LRMDA: variants seen among roughly 807,000 people sequenced by gnomAD.
LRMDA encodes leucine-rich melanocyte differentiation-associated protein.
LRMDA carries 18 observed loss-of-function variants against 29.8 expected under a neutral mutation model. That is an observed-to-expected ratio of 0.60 (90% CI 0.42 to 0.90). LRMDA has a LOEUF of 0.90. LRMDA is among the 40% of genes least tolerant of loss of function. LRMDA has a pLI of 0.00. For missense variants in LRMDA, 273 were observed against 273.9 expected, an observed-to-expected ratio of 1.00 and a Z score of 0.02; for synonymous variants, 125 against 109.4, an observed-to-expected ratio of 1.14 and a Z score of -0.89.
intron 2 of LRMDA, among the ~76,000 whole-genome samples, chr10:75,525,831 G>A (rs146761207): frequency 2.4e-3 from 363 of 151,022 alleles, no homozygotes; most frequent in South Asian, 6.2e-3. Flanking sequence ...AAAGCCTTTC[G>A]TAATATCCAC....
At chr10:75,716,646 T>C (rs1040863174) in intron 2 of LRMDA, among the ~76,000 whole-genome samples, 2 of 152,160 alleles carry the variant, frequency 1.3e-5, no homozygotes, top group African/African-American at 2.4e-5. Flanking sequence ...ATTCTGTGCA[T>C]AGGAAAGGAG....
intron 2 of LRMDA, among the ~76,000 whole-genome samples, chr10:75,857,893 A>G (rs191385406): frequency 1.8e-4 from 27 of 152,356 alleles, no homozygotes; most frequent in African/African-American, 6.5e-4. Context: ...GGGCACACAC[A>G]GTTCTGTTTT....
intron 2 of LRMDA, among the ~76,000 whole-genome samples, chr10:75,618,745 A>G (rs1264911038): frequency 6.7e-6 from 1 of 149,324 alleles, no homozygotes. Context: ...AAAGAAATTA[A>G]GGAAATCATA....
chr10:76,153,191 A>T (rs1319264951), intron 5 of LRMDA, among the ~76,000 whole-genome samples: 1 of 152,148 alleles, frequency 6.6e-6, no homozygotes, highest in African/African-American at 2.4e-5. Flanking sequence ...TTGAGTTACA[A>T]GAGTTCTTTA....
rs555410196 is a variant in LRMDA, at chr10:76,331,705, G to A, written c.601+7220G>A. Among the ~76,000 whole-genome samples, 6 of 151,896 alleles carry A rather than the reference G, an allele frequency of 4.0e-5. No individual in the cohort carries two copies. In the South Asian group the frequency reaches 6.2e-4, roughly 16 times the overall value. On this transcript the variant is annotated intron_variant, in intron 6 of 6. Transcript: ENST00000611255. ...TGGGGGAAGAGTGTGTTGGTTCCTC[G>A]TGCAGAACTATTATTAGCATTTGCT...
At chr10:76,520,506 G>A (rs138416091) in intron 6 of LRMDA, among the ~76,000 whole-genome samples, 1,791 of 152,110 alleles carry the variant, frequency 0.012, 23 homozygotes, top group Middle Eastern at 0.027. Flanking sequence ...ATAAAAACTT[G>A]TCCAATCTCT....
chr10:76,166,967 GT>G (rs1850752026), intron 5 of LRMDA, among the ~76,000 whole-genome samples: 1 of 151,802 alleles, frequency 6.6e-6, no homozygotes, highest in African/African-American at 2.4e-5. Flanking sequence ...CTTATTTTTT[GT>G]TTGTTCGTTT....
intron 2 of LRMDA, among the ~76,000 whole-genome samples, chr10:75,571,779 A>C (rs1014028883): frequency 3.9e-5 from 6 of 152,178 alleles, no homozygotes; most frequent in African/African-American, 1.4e-4. Flanking sequence ...GAGGTCTGAT[A>C]GCTGGCACAC....
intron 2 of LRMDA, among the ~76,000 whole-genome samples, chr10:75,900,780 C>T (rs1382095070): frequency 6.6e-6 from 1 of 152,126 alleles, no homozygotes; most frequent in Non-Finnish European, 1.5e-5. Flanking sequence ...ATGCCCACCC[C>T]CCCACCTTTC....
At chr10:76,195,151 G>T (rs1229741998) in intron 5 of LRMDA, among the ~76,000 whole-genome samples, 1 of 152,118 alleles carries the variant, frequency 6.6e-6, no homozygotes. Context: ...AAAAACAAAA[G>T]GTGCCCCCTA....
intron 6 of LRMDA, among the ~76,000 whole-genome samples, chr10:76,552,865 A>C (rs1273287730): frequency 6.6e-6 from 1 of 152,168 alleles, no homozygotes; most frequent in Admixed American, 6.5e-5. Context: ...GGCCTCCCCC[A>C]GCAAAATCTC....
At chr10:76,303,418 T>G (rs543014720) in intron 5 of LRMDA, among the ~76,000 whole-genome samples, 1 of 152,230 alleles carries the variant, frequency 6.6e-6, no homozygotes, top group South Asian at 2.1e-4. Context: ...TCTGAGTCTT[T>G]TGTTCCACTT....
chr10:75,970,894 C>G (rs938963607), intron 2 of LRMDA, among the ~76,000 whole-genome samples: 2 of 152,186 alleles, frequency 1.3e-5, no homozygotes, highest in South Asian at 4.1e-4. Flanking sequence ...GTTTAAAAAT[C>G]TTGAAAATAC....
intron 5 of LRMDA, among the ~76,000 whole-genome samples, chr10:76,261,521 C>T (rs891003502): frequency 6.6e-6 from 1 of 152,130 alleles, no homozygotes; most frequent in Admixed American, 6.5e-5. Context: ...ACAAAATGAA[C>T]AGTGAATTAA....
At chr10:76,074,551 C>G (rs188805588) in intron 5 of LRMDA, among the ~76,000 whole-genome samples, 13 of 152,264 alleles carry the variant, frequency 8.5e-5, no homozygotes, top group South Asian at 4.2e-4. Context: ...CTTCCACCCC[C>G]CTCCCAGTTA....
chr10:76,534,980 G>C (rs954115748), intron 6 of LRMDA, among the ~76,000 whole-genome samples: 2 of 152,146 alleles, frequency 1.3e-5, no homozygotes, highest in African/African-American at 4.8e-5. Context: ...TTGTCTGCTT[G>C]CTTTCCTTGC....
chr10:76,333,668 G>T (rs1840932219), intron 6 of LRMDA, among the ~76,000 whole-genome samples: 1 of 152,132 alleles, frequency 6.6e-6, no homozygotes, highest in African/African-American at 2.4e-5. Flanking sequence ...TCCTCCGCAT[G>T]TTATTCAGAA....
rs112949281 is a variant in LRMDA at position 75,596,229 on chromosome 10, G to A, written c.131+157735G>A. Among the ~76,000 whole-genome samples the A allele has an allele frequency of 3.8e-3, 580 of 152,296 alleles. 4 individuals carry two copies. Among genetic ancestry groups the A allele is most frequent in the African/African-American group, 0.013 (559 of 41,568 alleles). On this transcript the variant is annotated intron_variant, in intron 2 of 6. Coordinates refer to ENST00000611255, the MANE Select transcript of LRMDA (RefSeq NM_001305581.2). ...GAAGCAGAGAGTATAAATATCACTT[G>A]CCCAATGTTACATAGCTCCTAAGTA...
In LRMDA at chr10:75,586,867, G is replaced by T. The variant is rs528314580; in HGVS notation, c.131+148373G>T. 3.3e-5 allele frequency among the ~76,000 whole-genome samples: 5 copies of T among 150,446 alleles called. No homozygotes were observed. In the South Asian group the frequency reaches 1.1e-3, roughly 32 times the overall value. On this transcript the variant is annotated intron_variant, in intron 2 of 6. Coordinates refer to ENST00000611255, the MANE Select transcript of LRMDA (RefSeq NM_001305581.2). The stretch of plus-strand genomic sequence containing the variant: ...GTTGTAGGAGTTGCTTATATATTTT[G>T]GAGATTAACCTCTTATCAGGCATAT...
Sources: allele counts gnomAD v4.1 joint callset (sites outside exome capture counted in the v4.1 genomes callset), GRCh38; gene constraint gnomAD v4.1.1; transcripts MANE v1.5; gene names NCBI Gene and HGNC (gene_info 2026-07-23, HGNC 2026-07-21).